The following ZIM2 variants were observed in gnomAD, a reference collection of about 807,000 sequenced individuals.
The protein encoded by ZIM2 is zinc finger imprinted 2, also known as zinc finger protein 656.
In ZIM2, 14 loss-of-function variants were observed where a neutral mutation model predicts 38.6. That is an observed-to-expected ratio of 0.36 (90% CI 0.24 to 0.57). The LOEUF (loss-of-function observed/expected upper bound fraction) is 0.57. ZIM2 is among the 20% of genes least tolerant of loss of function. ZIM2 has a pLI of 0.81. For synonymous variants in ZIM2, 247 were observed against 245.8 expected (o/e 1.00, Z -0.04); for missense variants, 680 against 695.1 (o/e 0.98, Z 0.24).
chr19:56,804,453 T>G (rs1046636576), intron 9 of ZIM2, among the ~76,000 whole-genome samples: 2 of 152,230 alleles, frequency 1.3e-5, no homozygotes, highest in African/African-American at 4.8e-5. Flanking sequence ...ACATGCTACC[T>G]GGAGACCGCA....
chr19:56,823,402 G>A (rs112247074), intron 5 of ZIM2, among the ~76,000 whole-genome samples, 188 bp downstream of exon 5: 19 of 152,128 alleles, frequency 1.2e-4, no homozygotes, highest in African/African-American at 3.9e-4. Flanking sequence ...AGTATTTAAG[G>A]TGTCTGTTTA....
intron 2 of ZIM2, among the ~76,000 whole-genome samples, chr19:56,830,249 C>T (rs2061450135): frequency 6.6e-6 from 1 of 152,184 alleles, no homozygotes; most frequent in South Asian, 2.1e-4. Context: ...TAAACCCAAA[C>T]TAACAAAGTC....
In ZIM2 at chr19:56,817,751, C is replaced by A; in HGVS notation, c.485G>T (p.Ser162Ile). Residue 162 changes from serine (S) to isoleucine (I), a missense_variant, in exon 9 of 13, where the codon AGT (serine) becomes ATT (isoleucine). Transcript: ENST00000629319. ...RSKRSAYPST[S>I]RGFLAQDSVP... The stretch of plus-strand genomic sequence containing the variant: ...GGGATGTGCCTCCTGCTTACCTCGA[C>A]TGGTGCTTGGGTAGGCACTTCTCTT... 1 of 1,614,022 alleles carries A rather than the reference C, an allele frequency of 6.2e-7. No homozygotes were observed. Among genetic ancestry groups the A allele is most frequent in the East Asian group, 2.2e-5 (1 of 44,874 alleles).
intron 11 of ZIM2, 67 bp from the exon 12 acceptor site, chr19:56,779,539 G>A (rs755922196): frequency 6.9e-7 from 1 of 1,454,616 alleles, no homozygotes; most frequent in South Asian, 1.2e-5. Context: ...CAAAGACTCT[G>A]GAATAATAAG....
Position 56,774,758 on chromosome 19 carries a change from C to T in ZIM2, c.1607G>A (p.Arg536Gln), listed in dbSNP as rs774367578. Residue 536 changes from arginine (R) to glutamine (Q), a missense_variant, in exon 13 of 13, where the codon CGA becomes CAA. Transcript: ENST00000629319. The stretch of plus-strand genomic sequence containing the variant: ...ATAATGTTGAGTGAGGTATGAGGGT[C>T]GGCCGAAACATTTCCCACATAGCTG... ...QCQLCGKCFG[R>Q]PSYLTQHYQL... 8 of 1,613,954 alleles carry T rather than the reference C, an allele frequency of 5.0e-6. No homozygotes were observed. The African/African-American group carries it at 8.0e-5, about 16-fold the overall frequency.
At chr19:56,835,335 C>T (rs986741094) in intron 2 of ZIM2, among the ~76,000 whole-genome samples, 2 of 152,178 alleles carry the variant, frequency 1.3e-5, no homozygotes, top group Admixed American at 6.5e-5. Context: ...CCACAACTTA[C>T]CTTCTTCCTA....
At position 56,814,818 on chromosome 19, in the gene ZIM2, T is replaced by G. The variant is rs749828224; in HGVS notation, c.490+2928A>C. 1 of 1,614,210 alleles carries G rather than the reference T, an allele frequency of 6.2e-7. No individual in the cohort carries two copies. Among genetic ancestry groups the G allele is most frequent in the Admixed American group, 1.7e-5 (1 of 60,032 alleles). The stretch of plus-strand genomic sequence containing the variant: ...TCCTCTCTGCAGCACGATTCCTCCG[T>G]GGCTTCATGGGCAAGAGGGCAATAA... On this transcript the variant is annotated intron_variant, in intron 9 of 12. Coordinates refer to ENST00000629319, the MANE Select transcript of ZIM2 (RefSeq NM_001387356.1). The surrounding 1 kb of genome is among the most constrained non-coding windows in gnomAD (Gnocchi z 5.8).
intron 9 of ZIM2, among the ~76,000 whole-genome samples, chr19:56,792,024 GTT>G (rs36087082): frequency 3.0e-5 from 4 of 134,590 alleles, no homozygotes; most frequent in East Asian, 4.4e-4. Context: ...AATCCCAGGA[GTT>G]TTTTTTTTTT....
intron 12 of ZIM2, among the ~76,000 whole-genome samples, chr19:56,777,097 A>G (rs543895153): frequency 3.3e-5 from 5 of 152,352 alleles, no homozygotes; most frequent in South Asian, 2.1e-4. Flanking sequence ...GAAGTCAAGT[A>G]TAAGACTGTG....
intron 7 of ZIM2, among the ~76,000 whole-genome samples, chr19:56,820,700 T>G (rs1181771117): frequency 6.6e-6 from 1 of 151,716 alleles, no homozygotes; most frequent in Non-Finnish European, 1.5e-5. Flanking sequence ...TCTTGTTAAC[T>G]CTCTATTTTT....
intron 2 of ZIM2, among the ~76,000 whole-genome samples, chr19:56,827,354 C>T (rs1201130789): frequency 1.3e-5 from 2 of 152,064 alleles, no homozygotes; most frequent in Non-Finnish European, 2.9e-5. Flanking sequence ...GCCAATAGAA[C>T]TTGGCCCTTG....
intron 9 of ZIM2, among the ~76,000 whole-genome samples, chr19:56,795,945 AAAT>A (rs2145953261): frequency 6.6e-6 from 1 of 152,332 alleles, no homozygotes; most frequent in African/African-American, 2.4e-5. Flanking sequence ...TAAAAATAAA[AAAT>A]AACAAACTAA....
At chr19:56,792,819 T>A (rs116143115) in intron 9 of ZIM2, among the ~76,000 whole-genome samples, 1 of 152,184 alleles carries the variant, frequency 6.6e-6, no homozygotes, top group Non-Finnish European at 1.5e-5. Context: ...ATAAAAATTT[T>A]AAAATAACCC....
chr19:56,788,943 T>C (rs1462790038), intron 10 of ZIM2, among the ~76,000 whole-genome samples: 1 of 151,658 alleles, frequency 6.6e-6, no homozygotes. Context: ...ATCGATTCGC[T>C]ATTGATACTT....
At chr19:56,832,350 T>A (rs12462610) in intron 2 of ZIM2, among the ~76,000 whole-genome samples, 13,181 of 152,126 alleles carry the variant, frequency 0.087, 726 homozygotes, top group Admixed American at 0.16. Flanking sequence ...GGTCACCATC[T>A]GTACCTCCCC....
intron 2 of ZIM2, chr19:56,833,656 A>G: frequency 5.8e-6 from 1 of 173,832 alleles, no homozygotes; most frequent in Non-Finnish European, 1.2e-5. Flanking sequence ...TCCAGGTGGG[A>G]TGACTCAGGA....
At chr19:56,840,056 G>T (rs986486124) in intron 1 of ZIM2, among the ~76,000 whole-genome samples, 2 of 152,220 alleles carry the variant, frequency 1.3e-5, no homozygotes, top group Non-Finnish European at 2.9e-5. Flanking sequence ...AGCCGGGCAC[G>T]CCGGCGCCGC....
At chr19:56,804,377 G>A (rs1276541446) in intron 9 of ZIM2, among the ~76,000 whole-genome samples, 1 of 152,230 alleles carries the variant, frequency 6.6e-6, no homozygotes, top group Non-Finnish European at 1.5e-5. Context: ...ATCCAACTGA[G>A]GGACCAGCAT....
chr19:56,811,649 G>A (rs1442068394), intron 9 of ZIM2: 1 of 985,174 alleles, frequency 1.0e-6, no homozygotes, highest in Non-Finnish European at 1.2e-6. Context: ...AGTTCACCCC[G>A]ACATCAACAC....
Sources: gnomAD v4.1 joint callset for allele counts (sites outside exome capture counted in the v4.1 genomes callset) on GRCh38, gnomAD v4.1.1 for gene constraint, Gnocchi (gnomAD v3.1) non-coding constraint, MANE v1.5 for transcripts, NCBI Gene and HGNC (gene_info 2026-07-23, HGNC 2026-07-21) for gene names.